The following IGSF9 variants were observed in gnomAD, a reference collection of about 807,000 sequenced individuals.
IGSF9 encodes immunoglobulin superfamily member 9, also known as protein turtle homolog A.
In IGSF9, 87 loss-of-function variants were observed where a neutral mutation model predicts 121.7. The observed-to-expected ratio is 0.71, with a 90% CI of 0.60 to 0.85. The LOEUF is 0.85. Among genes scored for constraint, IGSF9 ranks in the 40% least tolerant of loss-of-function variants. The pLI is 0.00. For synonymous variants in IGSF9, 640 were observed against 648.4 expected (o/e 0.99, Z 0.20); for missense variants, 1,462 against 1,565.3 (o/e 0.93, Z 1.11).
At chr1:159,933,453 A>G (rs1651074389) in intron 9 of IGSF9, 1 of 152,382 alleles carries the variant, frequency 6.6e-6, no homozygotes, top group South Asian at 2.1e-4. Context: ...CTCTGCAGAC[A>G]AAAGATCCCA....
At chr1:159,936,994 T>C (rs1651214572) in intron 4 of IGSF9, 86 bp from the exon 5 acceptor site, 2 of 1,360,344 alleles carry the variant, frequency 1.5e-6, no homozygotes, top group East Asian at 4.7e-5. Flanking sequence ...CACTCAGGGC[T>C]CCAGCCTGCT....
At chr1:159,928,132 C>G in intron 19 of IGSF9, 26 bp downstream of exon 19, 1 of 1,596,822 alleles carries the variant, frequency 6.3e-7, no homozygotes, top group Non-Finnish European at 8.5e-7. Flanking sequence ...GAGGCGGAGG[C>G]AGGGATGGGC....
At chr1:159,945,261 C>T (rs1337009467) in intron 1 of IGSF9, among the ~76,000 whole-genome samples, 1 of 151,654 alleles carries the variant, frequency 6.6e-6, no homozygotes, top group Non-Finnish European at 1.5e-5. Flanking sequence ...TCTCCTGCAT[C>T]AGCCCACAAT....
At position 159,928,974 on chromosome 1, in the gene IGSF9, T is replaced by A; in HGVS notation, c.2414A>T (p.Lys805Met). The part of the protein sequence containing the change: ...SGSPDSVAKL[K>M]LQGSPVPSLR... ...GCTGGGGACTGGGGATCCCTGGAGC[T>A]TCAGCTTCGCCACGCTGTCAGGACT... The change falls in exon 19 of 21, where the codon AAG becomes ATG. Residue 805 changes from lysine (K) to methionine (M), a missense_variant. By Grantham distance (95) the Lys-to-Met change is moderately conservative (BLOSUM62 -1). Coordinates refer to ENST00000368094, the MANE Select transcript of IGSF9 (RefSeq NM_001135050.2). 6.6e-7 allele frequency: 1 copy of A among 1,519,692 alleles called. No homozygotes were observed. The highest frequency in any genetic ancestry group is 8.8e-7 in the Non-Finnish European group (1 of 1,135,430). The allele number at this position is 1,519,692 out of a possible 1,614,324, so 94.1% of individuals were successfully genotyped here.
In IGSF9 at chr1:159,932,639, G is replaced by A; in HGVS notation, c.1118C>T (p.Ser373Phe). 6.2e-7 allele frequency: 1 copy of A among 1,612,208 alleles called. No homozygotes were observed. Residue 373 changes from serine to phenylalanine, a missense_variant, in exon 10 of 21, where the codon TCC (serine) becomes TTC (phenylalanine). Physicochemically the swap from Ser to Phe is radical, Grantham distance 155 (BLOSUM62 -2). Coordinates refer to ENST00000368094, the MANE Select transcript of IGSF9 (RefSeq NM_001135050.2). This position sits in a 1 kb window ranked among gnomAD's most constrained non-coding sequence, Gnocchi z 4.1. ...ALQLDKFPGW[S>F]QGTEGSLIIA... ...GATCAGTGAGCCTTCTGTGCCCTGG[G>A]ACCAGCCAGGGAACTGGAAGGAAGA...
chr1:159,943,432 G>A lies in IGSF9; in HGVS notation c.23C>T (p.Ala8Val). The A allele has an allele frequency of 1.3e-6, 2 of 1,587,312 alleles. No homozygotes were observed. The highest frequency in any genetic ancestry group is 3.5e-5 in the Admixed American group (2 of 56,406). ...CTGGCTGATGACCAGGCTGAGGACG[G>A]CCAGGCCGAGGCACCACACCATAGC... Reference protein sequence around the residue: MVWCLGLAVLSLVISQGA... With the variant: MVWCLGLVVLSLVISQGA... The change falls in exon 2 of 21, where the codon GCC becomes GTC. Residue 8 changes from alanine (A) to valine (V), a missense_variant. Physicochemically the swap from Ala to Val is moderately conservative, Grantham distance 64. Coordinates refer to ENST00000368094, the MANE Select transcript of IGSF9 (RefSeq NM_001135050.2).
At chr1:159,929,461 A>C in intron 17 of IGSF9, 68 bp from the exon 18 acceptor site, 1 of 1,577,700 alleles carries the variant, frequency 6.3e-7, no homozygotes, top group Non-Finnish European at 8.7e-7. Flanking sequence ...AGACTCTCTC[A>C]CCCAACACCA....
At position 159,928,594 on chromosome 1, in the gene IGSF9, A is replaced by G; in HGVS notation, c.2794T>C (p.Phe932Leu). 1 of 1,509,988 alleles carries G rather than the reference A, an allele frequency of 6.6e-7. No homozygotes were observed. Among genetic ancestry groups the G allele is most frequent in the Non-Finnish European group, 8.9e-7 (1 of 1,127,700 alleles). 93.5% of individuals were successfully genotyped at this position (1,509,988 alleles called of 1,614,324 possible). The change falls in exon 19 of 21, where the codon TTC becomes CTC. Residue 932 changes from phenylalanine to leucine, a missense_variant. This residue lies in a region of IGSF9 where 808 missense variants were observed against 815.2 expected (regional missense o/e 0.99). Transcript: ENST00000368094. ...PLLQYLSLPF[F>L]REMNVDGDWP... The stretch of plus-strand genomic sequence containing the variant: ...TCCCCATCCACATTCATCTCTCGGA[A>G]GAAGGGCAGGCTCAGGTACTGGAGC...
intron 9 of IGSF9, chr1:159,933,737 G>T: frequency 5.1e-6 from 1 of 194,714 alleles, no homozygotes; most frequent in Non-Finnish European, 1.1e-5. Context: ...AGGAAGGCAC[G>T]AGCTCCATCC....
At position 159,928,805 on chromosome 1, in the gene IGSF9, G is replaced by A; in HGVS notation, c.2583C>T (p.Ala861=). The change falls in exon 19 of 21, where the codon GCC becomes GCT. Residue 861 remains alanine (A), a synonymous_variant. Transcript: ENST00000368094. ...GRFVMGPTVA[A]PQERSGREQA... ...GCTCCCGGCCTGACCTTTCCTGGGG[G>A]GCCGCCACAGTGGGCCCCATCACAA... is the stretch of plus-strand genomic sequence containing the variant. The A allele has an allele frequency of 2.7e-6, 4 of 1,495,936 alleles. No individual in the cohort carries two copies. Among genetic ancestry groups the A allele is most frequent in the Non-Finnish European group, 3.6e-6 (4 of 1,121,396 alleles). 92.7% of individuals were successfully genotyped at this position (1,495,936 alleles called of 1,614,324 possible).
At chr1:159,929,228 C>T in intron 18 of IGSF9, 123 bp downstream of exon 18, 3 of 1,379,538 alleles carry the variant, frequency 2.2e-6, no homozygotes, top group East Asian at 2.3e-5. Context: ...TTCTTACCCT[C>T]TCCCACTTTT....
Position 159,937,751 on chromosome 1 carries a change from A to T in IGSF9, c.335T>A (p.Phe112Tyr). ...GTCTTCAGGGATGTGCTGGTCCAGGAAGAACACGCGGCACTCGTACCAGCC... is the reference window on the plus strand; with the variant it reads ...GTCTTCAGGGATGTGCTGGTCCAGGTAGAACACGCGGCACTCGTACCAGCC... Reference protein sequence around the residue: ...DQGWYECRVFFLDQHIPEDDF... With the variant: ...DQGWYECRVFYLDQHIPEDDF... The change falls in exon 4 of 21, where the codon TTC becomes TAC. Residue 112 changes from phenylalanine to tyrosine, a missense_variant. Phe to Tyr is a conservative substitution (Grantham distance 22). Coordinates refer to ENST00000368094, the MANE Select transcript of IGSF9 (RefSeq NM_001135050.2). 1 of 1,614,084 alleles carries T rather than the reference A, an allele frequency of 6.2e-7. No homozygotes were observed. The highest frequency in any genetic ancestry group is 1.7e-5 in the Admixed American group (1 of 60,018).
Position 159,928,506 on chromosome 1 carries a change from C to G in IGSF9, c.2882G>C (p.Cys961Ser). ...AGAACGAAGGAAAGATGAGGTGGGA[C>G]AGCGCCGGGTATCCATGTAATCTGG... ...APPDYMDTRR[C>S]PTSSFLRSPE... is the part of the protein sequence containing the mutation. The change falls in exon 19 of 21, where the codon TGT (cysteine) becomes TCT (serine). Residue 961 changes from cysteine (C) to serine (S), a missense_variant. Transcript: ENST00000368094. 1 of 1,573,916 alleles carries G rather than the reference C, an allele frequency of 6.4e-7. No homozygotes were observed. Among genetic ancestry groups the G allele is most frequent in the East Asian group, 2.3e-5 (1 of 44,046 alleles).
In IGSF9 at chr1:159,927,903, A is replaced by G; in HGVS notation, c.3231-16T>C. ...TGTGTTCCTCCTGTAAAAAAAAAAA[A>G]AAAGACAAACATATGGTGTGGGTGG... On this transcript the variant is annotated splice_polypyrimidine_tract_variant and intron_variant, in intron 19 of 20. Coordinates refer to ENST00000368094, the MANE Select transcript of IGSF9 (RefSeq NM_001135050.2). 2 of 1,602,816 alleles carry G rather than the reference A, an allele frequency of 1.2e-6. No individual in the cohort carries two copies. The highest frequency in any genetic ancestry group is 1.7e-6 in the Non-Finnish European group (2 of 1,175,914).
intron 4 of IGSF9, among the ~76,000 whole-genome samples, chr1:159,937,434 A>G (rs1166121010): frequency 1.3e-5 from 2 of 152,090 alleles, no homozygotes; most frequent in South Asian, 4.2e-4. Flanking sequence ...GGGAAGAGAA[A>G]GAGGGAGTTC....
chr1:159,938,523 TAGTC>T (rs1299129405), intron 3 of IGSF9, among the ~76,000 whole-genome samples: 10 of 152,104 alleles, frequency 6.6e-5, no homozygotes, highest in Admixed American at 1.3e-4. Context: ...ATCCCACTCT[TAGTC>T]AGCATCCACA....
At position 159,932,463 on chromosome 1, in the gene IGSF9, G is replaced by A; in HGVS notation, c.1245+49C>T. 6.8e-7 allele frequency: 1 copy of A among 1,459,880 alleles called. No individual in the cohort carries two copies. Among genetic ancestry groups the A allele is most frequent in the Non-Finnish European group, 9.3e-7 (1 of 1,074,654 alleles). The allele number at this position is 1,459,880 out of a possible 1,614,324, so 90.4% of individuals were successfully genotyped here. ...CAGCCTGGCCTTAGCACCATCTCCA[G>A]CCATCTGACCCACTGTCACCACAGG... On this transcript the variant is annotated intron_variant, in intron 10 of 20. Transcript: ENST00000368094. This position sits in a 1 kb window ranked among gnomAD's most constrained non-coding sequence, Gnocchi z 4.1.
intron 17 of IGSF9, 23 bp downstream of exon 17, chr1:159,929,615 G>A: frequency 6.3e-7 from 1 of 1,585,850 alleles, no homozygotes; most frequent in South Asian, 1.2e-5. Flanking sequence ...CGCAGTAGCA[G>A]GGCTGAGGGT....
chr1:159,929,798 A>G lies in IGSF9; in HGVS notation c.2166T>C (p.Pro722=), dbSNP rs1188084822. The change falls in exon 17 of 21, where the codon CCT becomes CCC. Residue 722 remains proline, a synonymous_variant. Transcript: ENST00000368094. ...NVSTSGLEVY[P]SRTQLPGLLP... is the part of the protein sequence containing the mutation. Reference sequence around the variant, plus strand: ...GGAGGCCCGGCAGCTGCGTGCGCGAAGGGTAGACCTCCAGACCTAGGCAGG... The same window carrying G: ...GGAGGCCCGGCAGCTGCGTGCGCGAGGGGTAGACCTCCAGACCTAGGCAGG... 6.2e-7 allele frequency: 1 copy of G among 1,605,846 alleles called. No individual in the cohort carries two copies. The highest frequency in any genetic ancestry group is 1.3e-5 in the African/African-American group (1 of 74,952).
Sources: gnomAD v4.1 joint callset for allele counts (sites outside exome capture counted in the v4.1 genomes callset) on GRCh38, gnomAD v4.1.1 for gene constraint, gnomAD v4.1.1 regional missense constraint, Gnocchi (gnomAD v3.1) non-coding constraint, MANE v1.5 for transcripts, NCBI Gene and HGNC (gene_info 2026-07-23, HGNC 2026-07-21) for gene names.